PDE4D: variants seen among roughly 807,000 people sequenced by gnomAD.
The protein encoded by PDE4D is 3',5'-cyclic-AMP phosphodiesterase 4D.
In PDE4D, 24 loss-of-function variants were observed where a neutral mutation model predicts 87.4. The ratio of observed to expected loss-of-function variants is 0.27; its 90% CI spans 0.20 to 0.39. PDE4D has a LOEUF of 0.39. Ranked by LOEUF, PDE4D falls within the 10% of genes least tolerant of loss-of-function variation. The probability of loss-of-function intolerance (pLI) is 1.00; values close to 1 mark genes in which losing one functional copy is unlikely to be tolerated. For missense variants in PDE4D, 714 were observed against 1,041.0 expected, an observed-to-expected ratio of 0.69 and a Z score of 4.32; for synonymous variants, 384 against 383.2, an observed-to-expected ratio of 1.00 and a Z score of -0.02.
At chr5:59,538,619 A>G (rs577295146) in intron 1 of PDE4D, among the ~76,000 whole-genome samples, 1 of 152,246 alleles carries the variant, frequency 6.6e-6, no homozygotes, top group African/African-American at 2.4e-5. Flanking sequence ...TATTGCAGCA[A>G]TGTCCCAGCT....
At chr5:59,806,048 A>G (rs754973931) in intron 1 of PDE4D, among the ~76,000 whole-genome samples, 4 of 152,140 alleles carry the variant, frequency 2.6e-5, no homozygotes, top group Admixed American at 6.5e-5. Context: ...CCTTTTCATC[A>G]AAACCTACCT....
chr5:59,576,534 T>C (rs899944659), intron 1 of PDE4D, among the ~76,000 whole-genome samples: 3 of 152,168 alleles, frequency 2.0e-5, no homozygotes, highest in South Asian at 2.1e-4. Flanking sequence ...CACATAATTA[T>C]TTATTAAGAA....
rs1209204787 is a variant in PDE4D at position 59,395,976 on chromosome 5, G to A, written c.456-180008C>T. On this transcript the variant is annotated intron_variant, in intron 1 of 14. Transcript: ENST00000340635. ...CTGATGCGATCAACTGGAAGAAAGG[G>A]TATCAGCAATGGAAGATGAAATGAA... Among the ~76,000 whole-genome samples the A allele has an allele frequency of 1.7e-5, 2 of 120,450 alleles. 1 individual carries two copies. Among genetic ancestry groups the A allele is most frequent in the Non-Finnish European group, 3.5e-5 (2 of 56,650 alleles). 79.0% of individuals were successfully genotyped at this position (120,450 alleles called of 152,430 possible). A position where few individuals can be genotyped will look rare whatever the true frequency, so the allele number is the denominator to read the frequency against.
chr5:60,117,421 T>C (rs1384274647), intron 2 of PDE4D, among the ~76,000 whole-genome samples: 1 of 152,138 alleles, frequency 6.6e-6, no homozygotes, highest in East Asian at 1.9e-4. Context: ...GTTTTCACTT[T>C]CTTTTCTTTA....
rs1042461533 is a variant in PDE4D, at chr5:59,888,696, C to T, written c.455+4472G>A. On this transcript the variant is annotated intron_variant, in intron 1 of 14. Coordinates refer to ENST00000340635, the MANE Select transcript of PDE4D (RefSeq NM_001104631.2). ...AATTCACTGATGTAGACAATCTGAA[C>T]GGCCAATTTTTCAATTAATTATTTT... Among the ~76,000 whole-genome samples the T allele has an allele frequency of 4.2e-4, 63 of 151,750 alleles. 1 individual carries two copies. Among genetic ancestry groups the T allele is most frequent in the Admixed American group, 3.5e-3 (54 of 15,224 alleles).
At chr5:60,029,616 C>T (rs1749422573) in intron 2 of PDE4D, among the ~76,000 whole-genome samples, 1 of 152,198 alleles carries the variant, frequency 6.6e-6, no homozygotes, top group Admixed American at 6.5e-5. Flanking sequence ...ATCCTCAATG[C>T]CATCTTGGCA....
At chr5:60,047,813 G>T (rs924470001) in intron 2 of PDE4D, among the ~76,000 whole-genome samples, 2 of 151,886 alleles carry the variant, frequency 1.3e-5, no homozygotes, top group African/African-American at 4.8e-5. Context: ...AATAGGTGTG[G>T]TGTGGTGCTG....
At chr5:59,964,483 G>C (rs1759795503) in intron 3 of PDE4D, among the ~76,000 whole-genome samples, 1 of 152,020 alleles carries the variant, frequency 6.6e-6, no homozygotes, top group Admixed American at 6.6e-5. Context: ...TCTAAACCAG[G>C]ATCTCAATCC....
At chr5:60,008,174 A>G (rs1229264107) in intron 2 of PDE4D, among the ~76,000 whole-genome samples, 1 of 151,956 alleles carries the variant, frequency 6.6e-6, no homozygotes, top group East Asian at 1.9e-4. Context: ...CTCTCCAGAT[A>G]TATTTATATC....
At chr5:59,188,001 C>T (rs543524618) in intron 3 of PDE4D, among the ~76,000 whole-genome samples, 1 of 152,022 alleles carries the variant, frequency 6.6e-6, no homozygotes, top group East Asian at 1.9e-4. Flanking sequence ...CATTGCAGGG[C>T]ACAAAGAGGG....
chr5:59,426,605 C>A (rs1795258159), intron 1 of PDE4D, among the ~76,000 whole-genome samples: 1 of 152,098 alleles, frequency 6.6e-6, no homozygotes, highest in Admixed American at 6.5e-5. Context: ...TACCACCCCA[C>A]CCTGCCCCGA....
At chr5:59,863,554 A>G (rs547307259) in intron 1 of PDE4D, among the ~76,000 whole-genome samples, 2 of 152,302 alleles carry the variant, frequency 1.3e-5, no homozygotes, top group East Asian at 3.9e-4. Context: ...TATGAAGGCT[A>G]GTCAGTTCAC....
chr5:60,377,937 A>T (rs1761553929), intron 1 of PDE4D, among the ~76,000 whole-genome samples: 1 of 152,254 alleles, frequency 6.6e-6, no homozygotes. Flanking sequence ...CATAGTATTT[A>T]AATGAAGACA....
intron 2 of PDE4D, among the ~76,000 whole-genome samples, chr5:60,178,244 G>A (rs923062095): frequency 6.6e-6 from 1 of 152,078 alleles, no homozygotes; most frequent in South Asian, 2.1e-4. Context: ...TATGGTGGTT[G>A]TTTTCAATTC....
intron 1 of PDE4D, among the ~76,000 whole-genome samples, chr5:59,502,967 A>C (rs975011696): frequency 6.7e-6 from 1 of 149,968 alleles, no homozygotes; most frequent in Non-Finnish European, 1.5e-5. Flanking sequence ...AGTTGATCTC[A>C]ATTTTTAAAA....
intron 2 of PDE4D, among the ~76,000 whole-genome samples, chr5:59,207,910 C>A (rs533208534): frequency 1.3e-4 from 19 of 151,578 alleles, no homozygotes; most frequent in Middle Eastern, 3.4e-3. Flanking sequence ...GTAATCCCAG[C>A]ACTTTGGGAG....
intron 1 of PDE4D, among the ~76,000 whole-genome samples, chr5:59,526,650 G>A (rs1018736476): frequency 1.3e-5 from 2 of 152,058 alleles, no homozygotes; most frequent in African/African-American, 2.4e-5. Flanking sequence ...TTGAGACAGG[G>A]TCTTGTTCTA....
intron 5 of PDE4D, among the ~76,000 whole-genome samples, chr5:59,126,768 T>G (rs1338177446): frequency 6.6e-6 from 1 of 152,222 alleles, no homozygotes; most frequent in Admixed American, 6.5e-5. Flanking sequence ...CTGAAGAATA[T>G]GGATATTAAA....
chr5:59,212,516 A>G (rs1750303178), intron 2 of PDE4D, among the ~76,000 whole-genome samples: 1 of 152,108 alleles, frequency 6.6e-6, no homozygotes, highest in Non-Finnish European at 1.5e-5. Flanking sequence ...AGAACTCTTG[A>G]GGCACACAGC....
Sources: allele counts gnomAD v4.1 joint callset (sites outside exome capture counted in the v4.1 genomes callset), GRCh38; gene constraint gnomAD v4.1.1; transcripts MANE v1.5; gene names NCBI Gene and HGNC (gene_info 2026-07-23, HGNC 2026-07-21).